Variants in LRRC51 observed in about 807,000 individuals in gnomAD.
LRRC51 encodes the protein leucine rich repeat containing 51.
LRRC51 carries 8 observed loss-of-function variants against 17.8 expected under a neutral mutation model. The ratio of observed to expected loss-of-function variants is 0.45; its 90% CI spans 0.26 to 0.81. The LOEUF (loss-of-function observed/expected upper bound fraction) is 0.81, where lower values mean the gene tolerates loss of function less well. Ranked by LOEUF, LRRC51 falls within the 30% of genes least tolerant of loss-of-function variation. LRRC51 has a pLI of 0.17. For synonymous variants in LRRC51, 92 were observed against 96.0 expected (o/e 0.96, Z 0.24); for missense variants, 233 against 239.3 (o/e 0.97, Z 0.17).
At chr11:72,089,298 T>C in intron 3 of LRRC51, 133 bp downstream of exon 3, 1 of 1,532,694 alleles carries the variant, frequency 6.5e-7, no homozygotes, top group Non-Finnish European at 8.9e-7. Flanking sequence ...GTTACTGTCT[T>C]TTGGAGGGTA....
chr11:72,081,669 G>T (rs1944210416), intron 1 of LRRC51, among the ~76,000 whole-genome samples: 1 of 152,090 alleles, frequency 6.6e-6, no homozygotes, highest in Non-Finnish European at 1.5e-5. Flanking sequence ...GAAACTTCCT[G>T]GGGCGTGAAG....
intron 1 of LRRC51, among the ~76,000 whole-genome samples, chr11:72,087,999 C>A (rs1944641085): frequency 6.6e-6 from 1 of 152,054 alleles, no homozygotes; most frequent in Non-Finnish European, 1.5e-5. Context: ...TGAAGTAATA[C>A]AAATAATAAT....
chr11:72,089,280 G>A (rs766365711), intron 3 of LRRC51, 115 bp downstream of exon 3: 84 of 1,549,574 alleles, frequency 5.4e-5, no homozygotes, highest in Non-Finnish European at 7.0e-5. Flanking sequence ...TATGCTTGCA[G>A]ATGTGTTGTT....
chr11:72,088,993 TG>T, intron 2 of LRRC51, 35 bp from the exon 3 acceptor site: 1 of 1,607,898 alleles, frequency 6.2e-7, no homozygotes, highest in South Asian at 1.1e-5. Context: ...TGAAAGCCGG[TG>T]TACTTGAAAC....
Position 72,093,538 on chromosome 11 carries a change from A to C in LRRC51, c.125A>C (p.Lys42Thr), listed in dbSNP as rs369390918. 2 of 1,614,170 alleles carry C rather than the reference A, an allele frequency of 1.2e-6. No individual in the cohort carries two copies. The highest frequency in any genetic ancestry group is 1.7e-6 in the Non-Finnish European group (2 of 1,180,018). The part of the protein sequence containing the change: ...EEPRTGLRPL[K>T]RSKSGKSLTQ... ...CCAAGGACAGGACTACGACCACTGA[A>C]GCGTTCAAAGTCGGGGAAATCACTG... is the stretch of plus-strand genomic sequence containing the variant. The change falls in exon 4 of 6, where the codon AAG (lysine) becomes ACG (threonine). Residue 42 changes from lysine (K) to threonine (T), a missense_variant. By Grantham distance (78) the Lys-to-Thr change is moderately conservative. Transcript: ENST00000289488.
intron 1 of LRRC51, chr11:72,086,322 T>C (rs898943022): frequency 2.9e-6 from 2 of 687,396 alleles, no homozygotes; most frequent in African/African-American, 1.8e-5. Flanking sequence ...GACAGGGTTC[T>C]ATTATTTGTA....
In LRRC51 at chr11:72,087,039, C is replaced by T. The variant is rs115437261; in HGVS notation, c.-139-1258C>T. Among the ~76,000 whole-genome samples the T allele has an allele frequency of 8.0e-3, 1,213 of 152,212 alleles. 12 individuals are homozygous for T. Among genetic ancestry groups the T allele is most frequent in the African/African-American group, 0.028 (1,159 of 41,514 alleles). ...TTTAATATCTAAAAGATTCAAGTCT[C>T]CCTAATTGACAATCCATGCCCATGG... On this transcript the variant is annotated intron_variant, in intron 1 of 5. Coordinates refer to ENST00000289488, the MANE Select transcript of LRRC51 (RefSeq NM_145309.6).
rs11235436 is a variant in LRRC51 at position 72,094,833 on chromosome 11, G to A, written c.289-115G>A. 2.3e-3 allele frequency: 3,742 copies of A among 1,594,740 alleles called. 13 individuals are homozygous for A. Among genetic ancestry groups the A allele is most frequent in the Non-Finnish European group, 2.9e-3 (3,425 of 1,162,518 alleles). Reference sequence around the variant, plus strand: ...CATACAGTATGGCTGTGGAGGGTTGGAGTGGAGGGCAGGTTGTTCCCCACA... The same window carrying A: ...CATACAGTATGGCTGTGGAGGGTTGAAGTGGAGGGCAGGTTGTTCCCCACA... On this transcript the variant is annotated intron_variant, in intron 4 of 5. Transcript: ENST00000289488.
At chr11:72,086,752 C>T (rs1267846432) in intron 1 of LRRC51, among the ~76,000 whole-genome samples, 1 of 15,922 alleles carries the variant, frequency 6.3e-5, no homozygotes, top group African/African-American at 1.7e-4. Flanking sequence ...CTGGGTTGCT[C>T]TGTCAAGAAA....
chr11:72,095,567 T>C lies in LRRC51; in HGVS notation c.*47T>C. The C allele has an allele frequency of 6.3e-7, 1 of 1,598,316 alleles. No individual in the cohort carries two copies. The stretch of plus-strand genomic sequence containing the variant: ...CCTAAAGGCCTAAGCATAGACAGCA[T>C]GGTTTGACAATAAATAATTTGAGCT... On this transcript the variant is annotated 3_prime_UTR_variant, in exon 6 of 6. Coordinates refer to ENST00000289488, the MANE Select transcript of LRRC51 (RefSeq NM_145309.6).
rs1400254607 is a variant in LRRC51, at chr11:72,096,895, A to C, written c.*1375A>C. On this transcript the variant is annotated 3_prime_UTR_variant, in exon 6 of 6. Transcript: ENST00000289488. ...GATAAAAAGAATCTTCTGCTTAAAA[A>C]CATTTGCTTGCTGACTCCATATTAG... 8 of 1,265,160 alleles carry C rather than the reference A, an allele frequency of 6.3e-6. No homozygotes were observed. In the East Asian group the frequency reaches 2.5e-4, roughly 40 times the overall value. 78.4% of individuals were successfully genotyped at this position (1,265,160 alleles called of 1,614,324 possible). A position where few individuals can be genotyped will look rare whatever the true frequency, so the allele number is the denominator to read the frequency against.
intron 1 of LRRC51, chr11:72,083,748 CA>C (rs1944372985): frequency 6.6e-6 from 1 of 152,050 alleles, no homozygotes; most frequent in Non-Finnish European, 1.5e-5. Context: ...TAAGAATTAG[CA>C]AAGCAAAAGG....
At chr11:72,086,181 G>A (rs1944521308) in intron 1 of LRRC51, 2 of 530,498 alleles carry the variant, frequency 3.8e-6, no homozygotes, top group Admixed American at 7.1e-5. Flanking sequence ...AGGCTTTATA[G>A]AAGAGGCTAC....
At chr11:72,094,837 G>A (rs1038735234) in intron 4 of LRRC51, 111 bp from the exon 5 acceptor site, 2 of 1,604,764 alleles carry the variant, frequency 1.2e-6, no homozygotes, top group Non-Finnish European at 8.5e-7. Flanking sequence ...GGGTTGGAGT[G>A]GAGGGCAGGT....
At position 72,089,078 on chromosome 11, in the gene LRRC51, T is replaced by C; in HGVS notation, c.-6T>C. Reference sequence around the variant, plus strand: ...CTGCTTGCACCTTTGAATGATGGCCTGAACTATGAACAAACGGGACTATAT... The same window carrying C: ...CTGCTTGCACCTTTGAATGATGGCCCGAACTATGAACAAACGGGACTATAT... On this transcript the variant is annotated 5_prime_UTR_variant, in exon 3 of 6. The change abolishes the stop of an existing upstream ORF in the 5' untranslated region. Coordinates refer to ENST00000289488, the MANE Select transcript of LRRC51 (RefSeq NM_145309.6). The C allele has an allele frequency of 6.2e-7, 1 of 1,613,740 alleles. No individual in the cohort carries two copies. The highest frequency in any genetic ancestry group is 8.5e-7 in the Non-Finnish European group (1 of 1,179,954).
At chr11:72,095,147 AAGG>A (rs1252262396) in intron 5 of LRRC51, 51 bp downstream of exon 5, 5 of 1,601,800 alleles carry the variant, frequency 3.1e-6, no homozygotes, top group Admixed American at 3.4e-5. Flanking sequence ...CCCTAAAGGA[AAGG>A]AGGAGGAGAA....
At position 72,095,722 on chromosome 11, in the gene LRRC51, G is replaced by C. The variant is rs1245838760; in HGVS notation, c.*202G>C. On this transcript the variant is annotated 3_prime_UTR_variant, in exon 6 of 6. Coordinates refer to ENST00000289488, the MANE Select transcript of LRRC51 (RefSeq NM_145309.6). ...GAGTCTCACTCTGTCACACAGGCTG[G>C]AGTGCAGTGGCACGATCTTGGCTCA... is the stretch of plus-strand genomic sequence containing the variant. 2 of 1,350,562 alleles carry C rather than the reference G, an allele frequency of 1.5e-6. No homozygotes were observed. The highest frequency in any genetic ancestry group is 2.7e-5 in the Admixed American group (1 of 37,004). The allele number at this position is 1,350,562 out of a possible 1,614,324, so 83.7% of individuals were successfully genotyped here.
At chr11:72,086,597 A>C (rs1944546331) in intron 1 of LRRC51, among the ~76,000 whole-genome samples, 2 of 152,250 alleles carry the variant, frequency 1.3e-5, no homozygotes, top group Non-Finnish European at 1.5e-5. Context: ...AAGATGCGAT[A>C]CTAGCTCACA....
intron 3 of LRRC51, chr11:72,089,651 A>G (rs1383871673): frequency 3.1e-5 from 34 of 1,104,042 alleles, no homozygotes; most frequent in Non-Finnish European, 3.7e-5. Context: ...TGACTGGCCA[A>G]ACATGAGGGG....
Sources: gnomAD v4.1 joint callset for allele counts (sites outside exome capture counted in the v4.1 genomes callset) on GRCh38, gnomAD v4.1.1 for gene constraint, MANE v1.5 for transcripts, NCBI Gene and HGNC (gene_info 2026-07-23, HGNC 2026-07-21) for gene names.